The following NSD2 variants were observed in gnomAD, a reference collection of about 807,000 sequenced individuals.
The protein encoded by NSD2 is histone-lysine N-methyltransferase NSD2.
NSD2 carries 12 observed loss-of-function variants against 139.0 expected under a neutral mutation model. The observed-to-expected ratio is 0.09, with a 90% CI of 0.06 to 0.14. The LOEUF (loss-of-function observed/expected upper bound fraction) is 0.14, where lower values mean the gene tolerates loss of function less well. Among genes scored for constraint, NSD2 ranks in the 10% least tolerant of loss-of-function variants. NSD2 has a pLI of 1.00. For missense variants in NSD2, 1,155 were observed against 1,745.0 expected, an observed-to-expected ratio of 0.66 and a Z score of 6.02; for synonymous variants, 669 against 648.7, an observed-to-expected ratio of 1.03 and a Z score of -0.48.
At chr4:1,889,217 G>A (rs1012962428) in intron 1 of NSD2, among the ~76,000 whole-genome samples, 1 of 151,986 alleles carries the variant, frequency 6.6e-6, no homozygotes, top group African/African-American at 2.4e-5. Flanking sequence ...TATTTTTTGA[G>A]ACAGGGTCTT....
intron 19 of NSD2, 53 bp downstream of exon 19, chr4:1,975,057 C>T: frequency 6.8e-6 from 11 of 1,611,524 alleles, no homozygotes; most frequent in South Asian, 1.1e-5. Flanking sequence ...GGCAGAGTGG[C>T]CATCGCTGAG....
intron 6 of NSD2, 132 bp downstream of exon 6, chr4:1,930,902 C>A: frequency 4.4e-6 from 5 of 1,149,168 alleles, no homozygotes; most frequent in Non-Finnish European, 6.0e-6. Flanking sequence ...TTTGGGCCAG[C>A]GGTCCAAGTG....
At chr4:1,969,442 A>C (rs1204287065) in intron 18 of NSD2, among the ~76,000 whole-genome samples, 1 of 152,122 alleles carries the variant, frequency 6.6e-6, no homozygotes, top group African/African-American at 2.4e-5. Context: ...GCGTGTGCCT[A>C]TAATCCCAGC....
intron 1 of NSD2, among the ~76,000 whole-genome samples, chr4:1,875,750 AT>A (rs1714205709): frequency 6.7e-6 from 1 of 149,948 alleles, no homozygotes; most frequent in African/African-American, 2.5e-5. Context: ...AAAAAAAAAA[AT>A]ACAAAAAATT....
In NSD2 at chr4:1,930,118, C is replaced by T. The variant is rs548241207; in HGVS notation, c.1411-508C>T. Among the ~76,000 whole-genome samples the T allele has an allele frequency of 3.3e-5, 5 of 152,060 alleles. No homozygotes were observed. In the South Asian group the frequency reaches 6.2e-4, roughly 19 times the overall value. On this transcript the variant is annotated intron_variant, in intron 5 of 21. Transcript: ENST00000508803. ...TCTTTTGGCTGTGCAAGGTTGTCTCCGTGTGCTGGCCTGGGCTGTGACAGA... is the reference window on the plus strand; with the variant it reads ...TCTTTTGGCTGTGCAAGGTTGTCTCTGTGTGCTGGCCTGGGCTGTGACAGA...
intron 1 of NSD2, among the ~76,000 whole-genome samples, chr4:1,895,346 G>T (rs1716123401): frequency 6.6e-6 from 1 of 152,112 alleles, no homozygotes; most frequent in South Asian, 2.1e-4. Flanking sequence ...TCAGTGTCTT[G>T]CTCATAGTAG....
intron 1 of NSD2, among the ~76,000 whole-genome samples, chr4:1,876,533 T>G (rs1208728453): frequency 6.6e-6 from 1 of 151,834 alleles, no homozygotes; most frequent in African/African-American, 2.4e-5. Context: ...TCTACAAAAA[T>G]TTTTGAAAAT....
chr4:1,950,836 A>T (rs764222600), intron 9 of NSD2, among the ~76,000 whole-genome samples: 1 of 152,264 alleles, frequency 6.6e-6, no homozygotes, highest in Non-Finnish European at 1.5e-5. Context: ...TATATATGCT[A>T]AATACTAGGT....
intron 1 of NSD2, among the ~76,000 whole-genome samples, chr4:1,877,085 C>T (rs371219948): frequency 1.3e-5 from 2 of 151,418 alleles, no homozygotes; most frequent in Non-Finnish European, 2.9e-5. Flanking sequence ...TGAAATGAGC[C>T]GAGATCATGC....
intron 6 of NSD2, 71 bp from the exon 7 acceptor site, chr4:1,935,073 G>A: frequency 8.0e-7 from 1 of 1,248,922 alleles, no homozygotes; most frequent in Non-Finnish European, 1.1e-6. Flanking sequence ...CCCTGGGTAG[G>A]TTCTCACAGT....
intron 6 of NSD2, among the ~76,000 whole-genome samples, chr4:1,934,863 AAAAAAAAAAAAAAAAATAT>A (rs1336856171): frequency 1.3e-4 from 13 of 100,110 alleles, no homozygotes; most frequent in African/African-American, 5.3e-4. Flanking sequence ...AAAAAAAAAA[AAAAAAAAAAAAAAAAATAT>A]ATATATATAT....
intron 18 of NSD2, among the ~76,000 whole-genome samples, chr4:1,969,081 C>G (rs1286463647): frequency 1.3e-5 from 2 of 152,208 alleles, no homozygotes; most frequent in African/African-American, 4.8e-5. Context: ...TGCAGAGACA[C>G]GGGAGTGCGG....
intron 5 of NSD2, among the ~76,000 whole-genome samples, chr4:1,925,772 A>ATATAT (rs1398178074): frequency 1.3e-5 from 2 of 148,856 alleles, no homozygotes; most frequent in African/African-American, 5.1e-5. Context: ...CTATATATAT[A>ATATAT]TTTTTTTTTG....
chr4:1,956,760 T>G lies in NSD2; in HGVS notation c.2881+572T>G, dbSNP rs1304291735. 2.6e-5 allele frequency among the ~76,000 whole-genome samples: 4 copies of G among 152,144 alleles called. No homozygotes were observed. Among genetic ancestry groups the G allele is most frequent in the Non-Finnish European group, 5.9e-5 (4 of 68,018 alleles). ...ATCGGTCAAGAGAGAATGAGGCCAG[T>G]AGAGAAAACCCGAGGTGTGTGCATG... On this transcript the variant is annotated intron_variant, in intron 15 of 21. Coordinates refer to ENST00000508803, the MANE Select transcript of NSD2 (RefSeq NM_001042424.3). This position sits in a 1 kb window ranked among gnomAD's most constrained non-coding sequence, Gnocchi z 5.3.
chr4:1,934,905 A>ATATATATATG (rs1383288554), intron 6 of NSD2, among the ~76,000 whole-genome samples: 7 of 131,588 alleles, frequency 5.3e-5, no homozygotes, highest in African/African-American at 2.0e-4. Flanking sequence ...ATATATATAT[A>ATATATATATG]TATAAAAAAC....
intron 5 of NSD2, among the ~76,000 whole-genome samples, chr4:1,922,169 A>C (rs1410319815): frequency 6.6e-6 from 1 of 152,234 alleles, no homozygotes; most frequent in Admixed American, 6.5e-5. Context: ...AGCCAGTATT[A>C]TAAAGGAATA....
chr4:1,930,779 A>G lies in NSD2; in HGVS notation c.1555+9A>G. 1.9e-6 allele frequency: 3 copies of G among 1,610,972 alleles called. No individual in the cohort carries two copies. The highest frequency in any genetic ancestry group is 1.7e-6 in the Non-Finnish European group (2 of 1,178,650). ...GGCTGAAGAAGACTCTGGTAAACAT[A>G]GCATTATGCTGATGTCCTCTGCTTG... On this transcript the variant is annotated intron_variant, in intron 6 of 21. Transcript: ENST00000508803.
At chr4:1,904,103 T>G in intron 2 of NSD2, 113 bp from the exon 3 acceptor site, 2 of 1,199,666 alleles carry the variant, frequency 1.7e-6, no homozygotes, top group Non-Finnish European at 2.3e-6. Flanking sequence ...GCACACTCCA[T>G]TTTTGGGGGT....
At chr4:1,959,852 A>T in intron 17 of NSD2, 112 bp downstream of exon 17, 1 of 1,431,118 alleles carries the variant, frequency 7.0e-7, no homozygotes, top group South Asian at 1.4e-5. Context: ...TATTTTTTGG[A>T]AAAAAAATTT....
Sources: gnomAD v4.1 joint callset for allele counts (sites outside exome capture counted in the v4.1 genomes callset) on GRCh38, gnomAD v4.1.1 for gene constraint, Gnocchi (gnomAD v3.1) non-coding constraint, MANE v1.5 for transcripts, NCBI Gene and HGNC (gene_info 2026-07-23, HGNC 2026-07-21) for gene names.